ESRRG: variants seen among roughly 807,000 people sequenced by gnomAD.
The protein encoded by ESRRG is estrogen-related receptor gamma.
In ESRRG, 13 loss-of-function variants were observed where a neutral mutation model predicts 44.0. The ratio of observed to expected loss-of-function variants is 0.30; its 90% CI spans 0.19 to 0.47. The LOEUF is 0.47. ESRRG is among the 20% of genes least tolerant of loss of function. The pLI, the probability that ESRRG is intolerant of heterozygous loss-of-function variation, is 1.00. For synonymous variants in ESRRG, 215 were observed against 214.6 expected (o/e 1.00, Z -0.02); for missense variants, 395 against 580.6 (o/e 0.68, Z 3.29).
chr1:216,566,118 T>C (rs1278018429), intron 4 of ESRRG, among the ~76,000 whole-genome samples: 1 of 152,102 alleles, frequency 6.6e-6, no homozygotes, highest in African/African-American at 2.4e-5. Context: ...GGCAGCACTG[T>C]TTCTAGGTAA....
intron 3 of ESRRG, among the ~76,000 whole-genome samples, chr1:216,601,344 A>G (rs542294154): frequency 5.3e-5 from 8 of 152,160 alleles, no homozygotes; most frequent in Non-Finnish European, 8.8e-5. Context: ...GCGCGTCCGG[A>G]GCCGACGCCG....
At chr1:217,041,523 C>T (rs1487099632) in intron 1 of ESRRG, among the ~76,000 whole-genome samples, 1 of 152,072 alleles carries the variant, frequency 6.6e-6, no homozygotes, top group African/African-American at 2.4e-5. Flanking sequence ...CTAATTGATG[C>T]CATGTATGAC....
intron 1 of ESRRG, among the ~76,000 whole-genome samples, chr1:217,059,061 A>G (rs2151324734): frequency 6.7e-6 from 1 of 149,022 alleles, no homozygotes; most frequent in East Asian, 1.9e-4. Context: ...ATAGTATACT[A>G]TATAATAATA....
At chr1:216,906,025 A>G (rs1038718152) in intron 2 of ESRRG, among the ~76,000 whole-genome samples, 7 of 152,254 alleles carry the variant, frequency 4.6e-5, no homozygotes, top group African/African-American at 1.7e-4. Context: ...TGCTGGGATT[A>G]CAGGCATGAG....
At chr1:216,766,847 G>A (rs915431947) in intron 2 of ESRRG, among the ~76,000 whole-genome samples, 2 of 152,118 alleles carry the variant, frequency 1.3e-5, no homozygotes, top group African/African-American at 4.8e-5. Context: ...CAGACCAAAT[G>A]CCTCTGGCTG....
chr1:217,132,994 T>A (rs567981204), intron 1 of ESRRG, among the ~76,000 whole-genome samples: 23 of 152,316 alleles, frequency 1.5e-4, no homozygotes, highest in Admixed American at 5.2e-4. Flanking sequence ...AAATGTCATC[T>A]TTACTCGCAA....
At chr1:216,883,203 GA>G (rs1385721168) in intron 2 of ESRRG, among the ~76,000 whole-genome samples, 1 of 151,816 alleles carries the variant, frequency 6.6e-6, no homozygotes, top group African/African-American at 2.4e-5. Context: ...CTTGGTGAAA[GA>G]AACCCTGTCT....
chr1:216,524,376 A>C (rs2149003527), intron 5 of ESRRG, among the ~76,000 whole-genome samples: 1 of 151,116 alleles, frequency 6.6e-6, no homozygotes, highest in South Asian at 2.1e-4. Flanking sequence ...TGCAGAAGTG[A>C]AAGCTGGAAC....
At chr1:216,951,469 T>C (rs968217288) in intron 1 of ESRRG, among the ~76,000 whole-genome samples, 2 of 152,152 alleles carry the variant, frequency 1.3e-5, no homozygotes, top group South Asian at 4.1e-4. Flanking sequence ...ACTTTCATAC[T>C]TTTTTTAGCT....
chr1:217,048,408 A>G (rs774351353), intron 1 of ESRRG, among the ~76,000 whole-genome samples: 7 of 152,184 alleles, frequency 4.6e-5, no homozygotes, highest in Non-Finnish European at 7.4e-5. Context: ...CCAGGCCCCA[A>G]TCTAGCTGAA....
intron 1 of ESRRG, among the ~76,000 whole-genome samples, chr1:217,083,145 C>T (rs2091876811): frequency 6.6e-6 from 1 of 152,154 alleles, no homozygotes; most frequent in Admixed American, 6.5e-5. Flanking sequence ...CAATAAGCAA[C>T]AAAGGGCTTG....
chr1:216,836,800 G>A (rs2095572476), intron 2 of ESRRG, among the ~76,000 whole-genome samples: 1 of 152,110 alleles, frequency 6.6e-6, no homozygotes, highest in Non-Finnish European at 1.5e-5. Flanking sequence ...CAAGACGATG[G>A]CAAAAAGAGA....
intron 2 of ESRRG, among the ~76,000 whole-genome samples, chr1:216,939,000 T>G (rs1009384471): frequency 1.3e-5 from 2 of 152,144 alleles, no homozygotes; most frequent in Non-Finnish European, 2.9e-5. Context: ...TAATTTCCCT[T>G]CAAAAATGGA....
chr1:216,506,671 G>T lies in ESRRG; in HGVS notation c.*268C>A. ...AGGAATGAAAGAAGCAAAGAAATAA[G>T]GGAGGTGAAAGAAGAAAAGGAGAAA... On this transcript the variant is annotated 3_prime_UTR_variant, in exon 7 of 7. Coordinates refer to ENST00000408911, the MANE Select transcript of ESRRG (RefSeq NM_001438.4). The T allele has an allele frequency of 1.8e-6, 1 of 549,922 alleles. No individual in the cohort carries two copies. The highest frequency in any genetic ancestry group is 1.6e-5 in the South Asian group (1 of 60,652). 34.1% of individuals were successfully genotyped at this position (549,922 alleles called of 1,614,324 possible). A position where few individuals can be genotyped will look rare whatever the true frequency, so the allele number is the denominator to read the frequency against.
At chr1:216,865,526 G>A (rs953062492) in intron 2 of ESRRG, among the ~76,000 whole-genome samples, 2 of 151,888 alleles carry the variant, frequency 1.3e-5, no homozygotes, top group Non-Finnish European at 2.9e-5. Flanking sequence ...AGCACAATTG[G>A]GACTGCTGGT....
At chr1:216,537,777 A>G (rs2051431347) in intron 5 of ESRRG, among the ~76,000 whole-genome samples, 1 of 152,084 alleles carries the variant, frequency 6.6e-6, no homozygotes, top group Non-Finnish European at 1.5e-5. Context: ...TTGCCACTTT[A>G]CATTTGAGGA....
rs563203006 is a variant in ESRRG, at chr1:217,134,801, A to G, written c.-230+2866T>C. ...GTCCCCTTGACGTTTGATTTCTAAA[A>G]CCGCATAGTCTGCGGCTCTGGCATT... On this transcript the variant is annotated intron_variant, in intron 1 of 8. Transcript: ENST00000366940. Among the ~76,000 whole-genome samples the G allele has an allele frequency of 1.3e-5, 2 of 152,274 alleles. 1 individual carries two copies. The highest frequency in any genetic ancestry group is 1.3e-4 in the Admixed American group (2 of 15,308).
chr1:217,001,319 C>T (rs986944982), intron 1 of ESRRG, among the ~76,000 whole-genome samples: 3 of 152,272 alleles, frequency 2.0e-5, no homozygotes, highest in Non-Finnish European at 2.9e-5. Flanking sequence ...ACTTGATTAC[C>T]GTCTTTACAG....
rs528032393 is a variant in ESRRG, at chr1:217,118,315, A to G, written c.-230+19352T>C. On this transcript the variant is annotated intron_variant, in intron 1 of 8. Transcript: ENST00000366940. ...AAACACTAGCAGATCCAAGACCTAC[A>G]TTCAGCTTGGCTGTCTTTGTGGCCT... Among the ~76,000 whole-genome samples, 119 of 152,308 alleles carry G rather than the reference A, an allele frequency of 7.8e-4. 3 individuals are homozygous for G. In the South Asian group the frequency reaches 0.024, roughly 30 times the overall value.
Sources: gnomAD v4.1 joint callset for allele counts (sites outside exome capture counted in the v4.1 genomes callset) on GRCh38, gnomAD v4.1.1 for gene constraint, MANE v1.5 for transcripts, NCBI Gene and HGNC (gene_info 2026-07-23, HGNC 2026-07-21) for gene names.